The following PARG variants were observed in gnomAD, a reference collection of about 807,000 sequenced individuals.
The protein encoded by PARG is poly(ADP-ribose) glycohydrolase.
In PARG, 35 loss-of-function variants were observed where a neutral mutation model predicts 113.0. The observed-to-expected ratio is 0.31, with a 90% CI of 0.24 to 0.41. PARG has a LOEUF of 0.41. PARG is among the 10% of genes least tolerant of loss of function. PARG has a pLI of 1.00. For missense variants in PARG, 797 were observed against 1,169.4 expected (o/e 0.68, Z 4.64); for synonymous variants, 330 against 409.9 (o/e 0.81, Z 2.36).
intron 12 of PARG, among the ~76,000 whole-genome samples, chr10:49,860,390 TTCA>T (rs1377601265): frequency 4.7e-5 from 7 of 149,676 alleles, no homozygotes; most frequent in African/African-American, 1.7e-4. Flanking sequence ...TGGAAAGAAC[TTCA>T]TCAAGAGGGG....
chr10:49,904,420 A>C (rs1215526744), intron 7 of PARG, among the ~76,000 whole-genome samples: 1 of 150,874 alleles, frequency 6.6e-6, no homozygotes, highest in Non-Finnish European at 1.5e-5. Flanking sequence ...GCCTCATACA[A>C]GGAAGCTTAT....
chr10:49,867,970 G>T (rs1310917372), intron 10 of PARG, among the ~76,000 whole-genome samples: 1 of 152,092 alleles, frequency 6.6e-6, no homozygotes, highest in Non-Finnish European at 1.5e-5. Flanking sequence ...ATTAGACCTA[G>T]AATAGCCAAA....
In PARG at chr10:49,861,664, CT is replaced by C; in HGVS notation, c.2130-2del. On this transcript the variant is annotated splice_acceptor_variant, in intron 11 of 17. Transcript: ENST00000616448. LOFTEE classifies it high-confidence loss of function. Reference sequence around the variant, plus strand: ...CAATCGTGTCAAGGGTTTTTCACATCTACAATATAAAAAGACATTCCCTTAT... The same window carrying C: ...CAATCGTGTCAAGGGTTTTTCACATCACAATATAAAAAGACATTCCCTTAT... The C allele has an allele frequency of 9.8e-7, 1 of 1,017,344 alleles. No homozygotes were observed. Among genetic ancestry groups the C allele is most frequent in the Non-Finnish European group, 1.5e-6 (1 of 655,386 alleles). 63.0% of individuals were successfully genotyped at this position (1,017,344 alleles called of 1,614,324 possible).
chr10:49,906,720 A>G (rs1330952156), intron 7 of PARG, among the ~76,000 whole-genome samples: 4 of 152,150 alleles, frequency 2.6e-5, no homozygotes, highest in African/African-American at 9.7e-5. Context: ...GAAAACTCTC[A>G]GTAATAAGCA....
chr10:49,843,588 G>C lies in PARG; in HGVS notation c.2398C>G (p.Arg800Gly), dbSNP rs782727717. The C allele has an allele frequency of 1.9e-6, 3 of 1,550,922 alleles. No homozygotes were observed. Among genetic ancestry groups the C allele is most frequent in the Non-Finnish European group, 1.7e-6 (2 of 1,146,332 alleles). The change falls in exon 14 of 18, where the codon CGT (arginine) becomes GGT (glycine). Residue 800 changes from arginine (R) to glycine (G), a missense_variant. Physicochemically the swap from Arg to Gly is moderately radical, Grantham distance 125. Around this residue, in one of 5 missense-constraint regions of PARG, gnomAD observed 194 missense variants for 247.1 expected, o/e 0.79. Coordinates refer to ENST00000616448, the MANE Select transcript of PARG (RefSeq NM_003631.5). ...SEYTGYAETY[R>G]WSRSHEDGSE... ...CCATCTTCGTGGCTCCGGGACCAACGATATGTCTCAGCATAGCCTGTGTAT... is the reference window on the plus strand; with the variant it reads ...CCATCTTCGTGGCTCCGGGACCAACCATATGTCTCAGCATAGCCTGTGTAT...
chr10:49,914,542 G>T (rs1407769250), intron 7 of PARG, among the ~76,000 whole-genome samples: 2 of 152,182 alleles, frequency 1.3e-5, no homozygotes, highest in African/African-American at 4.8e-5. Flanking sequence ...TTCTATTAAC[G>T]TGATGTAAGA....
chr10:49,905,885 T>C (rs1412362656), intron 7 of PARG, among the ~76,000 whole-genome samples: 2 of 152,142 alleles, frequency 1.3e-5, no homozygotes, highest in Non-Finnish European at 2.9e-5. Flanking sequence ...CTCTGGTCAT[T>C]TGTGGTCACA....
chr10:49,935,908 T>C (rs1221293747), intron 1 of PARG, among the ~76,000 whole-genome samples: 1 of 152,158 alleles, frequency 6.6e-6, no homozygotes, highest in African/African-American at 2.4e-5. Context: ...TTGAAAGACA[T>C]GATTCCTCTC....
chr10:49,885,096 GTCTCTCTGTCTCTCTCTC>G, intron 8 of PARG, 89 bp downstream of exon 8: 1 of 694,026 alleles, frequency 1.4e-6, no homozygotes, highest in Non-Finnish European at 2.6e-6. Context: ...CTCTCTCTCT[GTCTCTCTGTCTCTCTCTC>G]TCTCTCTGTG....
At chr10:49,903,147 A>G (rs1238797838) in intron 7 of PARG, among the ~76,000 whole-genome samples, 2 of 152,004 alleles carry the variant, frequency 1.3e-5, no homozygotes, top group African/African-American at 4.8e-5. Context: ...TTACTTAGGT[A>G]GCTGTGGTGG....
At chr10:49,876,673 G>A (rs1340785993) in intron 9 of PARG, among the ~76,000 whole-genome samples, 1 of 152,148 alleles carries the variant, frequency 6.6e-6, no homozygotes, top group African/African-American at 2.4e-5. Flanking sequence ...ATGTGGAAAA[G>A]AGAAGGGCAT....
chr10:49,922,113 T>A (rs1293681584), intron 6 of PARG, among the ~76,000 whole-genome samples: 2 of 152,228 alleles, frequency 1.3e-5, no homozygotes, highest in Non-Finnish European at 2.9e-5. Context: ...GAGGTATTAT[T>A]CCTGGTTCTC....
chr10:49,938,719 A>G (rs1156985398), intron 1 of PARG, among the ~76,000 whole-genome samples: 3 of 152,088 alleles, frequency 2.0e-5, no homozygotes, highest in Non-Finnish European at 4.4e-5. Flanking sequence ...CTACAGGTGC[A>G]TGCCCAGCAA....
chr10:49,832,560 T>C (rs1844723846), intron 16 of PARG, among the ~76,000 whole-genome samples: 1 of 152,178 alleles, frequency 6.6e-6, no homozygotes, highest in Non-Finnish European at 1.5e-5. Context: ...CTGCCAATCT[T>C]TCAATACTCA....
At chr10:49,844,582 C>T (rs1419002964) in intron 13 of PARG, among the ~76,000 whole-genome samples, 4 of 148,700 alleles carry the variant, frequency 2.7e-5, no homozygotes, top group Non-Finnish European at 5.9e-5. Context: ...GAGATTGTGT[C>T]ACTTCACTCC....
chr10:49,904,893 G>A (rs2664474), intron 7 of PARG, among the ~76,000 whole-genome samples: 12 of 151,176 alleles, frequency 7.9e-5, no homozygotes, highest in Admixed American at 3.3e-4. Flanking sequence ...TCCAACCTGC[G>A]CAACAGACCA....
At chr10:49,860,102 C>A (rs1167794226) in intron 12 of PARG, among the ~76,000 whole-genome samples, 2 of 152,202 alleles carry the variant, frequency 1.3e-5, no homozygotes, top group Non-Finnish European at 2.9e-5. Flanking sequence ...CATTGCAATA[C>A]AATATTCCCC....
intron 13 of PARG, among the ~76,000 whole-genome samples, chr10:49,856,787 A>G (rs1588904376): frequency 6.6e-6 from 1 of 152,012 alleles, no homozygotes; most frequent in South Asian, 2.1e-4. Flanking sequence ...AGGCGGGCGG[A>G]TCACCTGAGG....
Position 49,922,409 on chromosome 10 carries a change from C to T in PARG, c.1589G>A (p.Arg530Gln), listed in dbSNP as rs184080066. Residue 530 changes from arginine to glutamine, a missense_variant, in exon 6 of 18, where the codon CGA becomes CAA. Physicochemically the swap from Arg to Gln is conservative, Grantham distance 43. Coordinates refer to ENST00000616448, the MANE Select transcript of PARG (RefSeq NM_003631.5). The part of the protein sequence containing the change: ...LYPVEDENGE[R>Q]TAGSRWELIQ... ...GAGCTCCCACCGGCTCCCCGCAGTT[C>T]GCTCACCATTCTTTTGGAAAAAAGA... 362 of 1,608,484 alleles carry T rather than the reference C, an allele frequency of 2.3e-4. 3 individuals carry two copies. The highest frequency in any genetic ancestry group is 1.0e-4 in the Non-Finnish European group (122 of 1,178,216).
Sources: gnomAD v4.1 joint callset for allele counts (sites outside exome capture counted in the v4.1 genomes callset) on GRCh38, gnomAD v4.1.1 for gene constraint, gnomAD v4.1.1 regional missense constraint, MANE v1.5 for transcripts, NCBI Gene and HGNC (gene_info 2026-07-23, HGNC 2026-07-21) for gene names.